Variants in KLF7 observed in about 807,000 individuals in gnomAD.
KLF7 encodes KLF transcription factor 7, also known as Krueppel-like factor 7.
KLF7 carries 2 observed loss-of-function variants against 27.3 expected under a neutral mutation model. The observed-to-expected ratio is 0.07, with a 90% confidence interval of 0.03 to 0.23. KLF7 has a LOEUF of 0.23. Ranked by LOEUF, KLF7 falls within the 10% of genes least tolerant of loss-of-function variation. The probability of loss-of-function intolerance (pLI) is 1.00; values close to 1 mark genes in which losing one functional copy is unlikely to be tolerated. For synonymous variants in KLF7, 165 were observed against 162.4 expected (o/e 1.02, Z -0.12); for missense variants, 221 against 394.1 (o/e 0.56, Z 3.72).
intron 1 of KLF7, among the ~76,000 whole-genome samples, chr2:207,149,677 T>C (rs2106099188): frequency 6.6e-6 from 1 of 152,358 alleles, no homozygotes; most frequent in Non-Finnish European, 1.5e-5. Flanking sequence ...GGCACCTGTC[T>C]TAAGCAGGAT....
chr2:207,089,590 C>T (rs534766747), intron 2 of KLF7, among the ~76,000 whole-genome samples: 15 of 152,184 alleles, frequency 9.9e-5, no homozygotes, highest in East Asian at 1.9e-4. Flanking sequence ...TACTGAGCCC[C>T]GTCACTGAGA....
intron 2 of KLF7, among the ~76,000 whole-genome samples, chr2:207,119,414 A>T (rs1356595248): frequency 3.1e-5 from 2 of 65,404 alleles, no homozygotes; most frequent in Non-Finnish European, 6.4e-5. Context: ...TTACATAGAA[A>T]CTATTAAGAT....
intron 2 of KLF7, among the ~76,000 whole-genome samples, chr2:207,119,794 C>A (rs1025185216): frequency 5.3e-5 from 8 of 152,168 alleles, no homozygotes; most frequent in Non-Finnish European, 1.2e-4. Flanking sequence ...ACCTCCGCCT[C>A]CTGGGGTCAA....
At chr2:207,142,001 C>T (rs1239186907) in intron 1 of KLF7, among the ~76,000 whole-genome samples, 1 of 151,966 alleles carries the variant, frequency 6.6e-6, no homozygotes, top group Non-Finnish European at 1.5e-5. Flanking sequence ...AATCCCTGCT[C>T]TCAATAAGAA....
At chr2:207,110,808 G>T (rs1388579475) in intron 2 of KLF7, among the ~76,000 whole-genome samples, 3 of 152,328 alleles carry the variant, frequency 2.0e-5, no homozygotes, top group South Asian at 2.1e-4. Flanking sequence ...TAAAAGGGAA[G>T]AAGGCAAGAC....
At chr2:207,107,638 G>A (rs555104034) in intron 2 of KLF7, among the ~76,000 whole-genome samples, 9 of 152,240 alleles carry the variant, frequency 5.9e-5, no homozygotes, top group African/African-American at 1.7e-4. Flanking sequence ...ACTCCCCACC[G>A]GCTCCTGTGT....
intron 2 of KLF7, among the ~76,000 whole-genome samples, chr2:207,112,174 C>CTTTTTTTTTTTTTTTTTTTTTT (rs1553525812): frequency 2.7e-5 from 4 of 149,188 alleles, no homozygotes; most frequent in Non-Finnish European, 4.4e-5. Flanking sequence ...TGGGCAAATG[C>CTTTTTTTTTTTTTTTTTTTTTT]TTTTGAGTGA....
intron 1 of KLF7, among the ~76,000 whole-genome samples, chr2:207,140,805 T>C (rs1220985522): frequency 6.6e-6 from 1 of 152,242 alleles, no homozygotes; most frequent in Non-Finnish European, 1.5e-5. Flanking sequence ...CAGAAATGTA[T>C]GCTGGTAGAA....
At position 207,076,988 on chromosome 2, in the gene KLF7, A is replaced by G. The variant is rs558645894; in HGVS notation, c.*4225T>C. 1.6e-4 allele frequency: 25 copies of G among 152,288 alleles called. No homozygotes were observed. The highest frequency in any genetic ancestry group is 5.8e-4 in the African/African-American group (24 of 41,548). The allele number at this position is 152,288 out of a possible 1,614,324, so 9.4% of individuals were successfully genotyped here. On this transcript the variant is annotated 3_prime_UTR_variant, in exon 4 of 4. Coordinates refer to ENST00000309446, the MANE Select transcript of KLF7 (RefSeq NM_003709.4). ...TCAAAAAAATTCTAATAAACTAAAA[A>G]ATGAACCTGATTTTTGTAGTTAAAT... is the stretch of plus-strand genomic sequence containing the variant.
chr2:207,150,180 A>G (rs2078203428), intron 1 of KLF7, among the ~76,000 whole-genome samples: 1 of 152,240 alleles, frequency 6.6e-6, no homozygotes, highest in African/African-American at 2.4e-5. Context: ...ATTGTTAAGA[A>G]TGTATTTTAA....
In KLF7 at chr2:207,081,181, C is replaced by T. The variant is rs202054970; in HGVS notation, c.*32G>A. On this transcript the variant is annotated 3_prime_UTR_variant, in exon 4 of 4. Transcript: ENST00000309446. ...CATGGCGTTTCCTTTAGACACTAGC[C>T]GATGCCATGGCAACTCTGGCCTTTC... 10 of 1,606,092 alleles carry T rather than the reference C, an allele frequency of 6.2e-6. No individual in the cohort carries two copies. The highest frequency in any genetic ancestry group is 2.2e-5 in the East Asian group (1 of 44,836).
At chr2:207,155,605 C>T (rs906317790) in intron 1 of KLF7, among the ~76,000 whole-genome samples, 9 of 152,048 alleles carry the variant, frequency 5.9e-5, no homozygotes, top group East Asian at 3.9e-4. Flanking sequence ...TCTCTTGATC[C>T]GTATTAAAGA....
intron 1 of KLF7, among the ~76,000 whole-genome samples, chr2:207,137,872 T>C (rs1183828696): frequency 2.0e-5 from 3 of 152,000 alleles, no homozygotes; most frequent in Non-Finnish European, 2.9e-5. Context: ...AGGGGAAGAG[T>C]TGATGTTCCA....
chr2:207,116,805 A>G (rs968392368), intron 2 of KLF7, among the ~76,000 whole-genome samples: 5 of 152,132 alleles, frequency 3.3e-5, no homozygotes, highest in Non-Finnish European at 5.9e-5. Flanking sequence ...TGAATTTATA[A>G]AATTCTATTA....
chr2:207,090,425 C>G (rs551506526), intron 2 of KLF7, among the ~76,000 whole-genome samples: 26 of 152,314 alleles, frequency 1.7e-4, no homozygotes, highest in African/African-American at 5.5e-4. Flanking sequence ...GTGTATTTGT[C>G]TGTTAAACGA....
intron 2 of KLF7, among the ~76,000 whole-genome samples, chr2:207,092,689 G>C (rs1034722889): frequency 7.2e-5 from 11 of 152,290 alleles, no homozygotes; most frequent in Admixed American, 7.2e-4. Flanking sequence ...GTTTCTTACA[G>C]GGTCACTCTC....
At chr2:207,128,065 A>T (rs1330678812) in intron 1 of KLF7, among the ~76,000 whole-genome samples, 1 of 152,196 alleles carries the variant, frequency 6.6e-6, no homozygotes, top group African/African-American at 2.4e-5. Flanking sequence ...GTTTCTAAAT[A>T]TCATTATCCA....
intron 1 of KLF7, among the ~76,000 whole-genome samples, chr2:207,130,104 T>C (rs1270286467): frequency 6.6e-6 from 1 of 151,454 alleles, no homozygotes; most frequent in Non-Finnish European, 1.5e-5. Context: ...CCTGTCACAT[T>C]GACTATTTCC....
At chr2:207,154,001 C>A (rs1359659136) in intron 1 of KLF7, among the ~76,000 whole-genome samples, 1 of 152,130 alleles carries the variant, frequency 6.6e-6, no homozygotes, top group Non-Finnish European at 1.5e-5. Context: ...ATGCATGATT[C>A]TTCCCCTCCC....
Sources: gnomAD v4.1 joint callset for allele counts (sites outside exome capture counted in the v4.1 genomes callset) on GRCh38, gnomAD v4.1.1 for gene constraint, MANE v1.5 for transcripts, NCBI Gene and HGNC (gene_info 2026-07-23, HGNC 2026-07-21) for gene names.